Variants in TTC9 observed in about 807,000 individuals in gnomAD.
TTC9 encodes tetratricopeptide repeat domain 9.
Under a neutral mutation model 22.9 loss-of-function variants are expected in TTC9, and 13 were observed. The ratio of observed to expected loss-of-function variants is 0.57; its 90% CI spans 0.37 to 0.90. The LOEUF (loss-of-function observed/expected upper bound fraction) is 0.90, where lower values mean the gene tolerates loss of function less well. TTC9 is among the 40% of genes least tolerant of loss of function. TTC9 has a pLI of 0.01. For synonymous variants in TTC9, 148 were observed against 133.2 expected (o/e 1.11, Z -0.77); for missense variants, 280 against 291.8 (o/e 0.96, Z 0.29).
chr14:70,669,712 T>C (rs1886265816), intron 2 of TTC9, among the ~76,000 whole-genome samples: 1 of 152,204 alleles, frequency 6.6e-6, no homozygotes, highest in Non-Finnish European at 1.5e-5. Context: ...TTATTTTCCG[T>C]ACATAAATCG....
At position 70,671,180 on chromosome 14, in the gene TTC9, C is replaced by T. The variant is rs370437849; in HGVS notation, c.*25C>T. 1.3e-5 allele frequency: 21 copies of T among 1,605,004 alleles called. No individual in the cohort carries two copies. In the African/African-American group the frequency reaches 1.7e-4, roughly 13 times the overall value. On this transcript the variant is annotated 3_prime_UTR_variant, in exon 3 of 3. Transcript: ENST00000256367. ...ACCAGGAAGCAGCTCCAGAGCTGCG[C>T]CCACGCCTGACCGGGGACTTCCAGG...
intron 1 of TTC9, among the ~76,000 whole-genome samples, chr14:70,645,912 G>A (rs944129850): frequency 3.9e-5 from 6 of 152,194 alleles, no homozygotes; most frequent in African/African-American, 9.7e-5. Flanking sequence ...TAAGGGCATC[G>A]CTGCTCCAAA....
chr14:70,668,101 C>T (rs1566702382), intron 2 of TTC9, among the ~76,000 whole-genome samples: 1 of 152,152 alleles, frequency 6.6e-6, no homozygotes, highest in Non-Finnish European at 1.5e-5. Flanking sequence ...AAGACACTGC[C>T]GCTACCCATG....
rs564318561 is a variant in TTC9, at chr14:70,674,747, C to T, written c.*3592C>T. On this transcript the variant is annotated 3_prime_UTR_variant, in exon 3 of 3. Transcript: ENST00000256367. ...TCTGTTCCTTCACTTAATAATATCA[C>T]GAACATTTTCGGCATATCAAACTTT... 6.6e-6 allele frequency: 1 copy of T among 152,298 alleles called. No individual in the cohort carries two copies. The highest frequency in any genetic ancestry group is 1.5e-5 in the Non-Finnish European group (1 of 68,024). The allele number at this position is 152,298 out of a possible 1,614,324, so 9.4% of individuals were successfully genotyped here. A position where few individuals can be genotyped will look rare whatever the true frequency, so the allele number is the denominator to read the frequency against.
intron 1 of TTC9, among the ~76,000 whole-genome samples, chr14:70,645,066 C>T (rs1394000163): frequency 1.3e-5 from 2 of 151,934 alleles, no homozygotes; most frequent in African/African-American, 2.4e-5. Flanking sequence ...GAGCCGAGAT[C>T]GTGCCACTGT....
rs527393309 is a variant in TTC9, at chr14:70,648,328, A to G, written c.406+5793A>G. Among the ~76,000 whole-genome samples, 58 of 152,354 alleles carry G rather than the reference A, an allele frequency of 3.8e-4. No individual in the cohort carries two copies. In the South Asian group the frequency reaches 0.012, roughly 30 times the overall value. The stretch of plus-strand genomic sequence containing the variant: ...GAAACTTGCAGAATGCTTTCAAGGA[A>G]GGTACTGGGAAGAACATTACAAATT... On this transcript the variant is annotated intron_variant, in intron 1 of 2. Coordinates refer to ENST00000256367, the MANE Select transcript of TTC9 (RefSeq NM_015351.2).
chr14:70,645,548 G>A lies in TTC9; in HGVS notation c.406+3013G>A, dbSNP rs182323616. Among the ~76,000 whole-genome samples the A allele has an allele frequency of 3.5e-3, 535 of 152,292 alleles. 5 individuals carry two copies. Among genetic ancestry groups the A allele is most frequent in the African/African-American group, 0.012 (510 of 41,544 alleles). The stretch of plus-strand genomic sequence containing the variant: ...ATAGCAACAGAAAAGTTTTACATGT[G>A]TATTTATACTTCTCATTGGCTAGAA... On this transcript the variant is annotated intron_variant, in intron 1 of 2. Transcript: ENST00000256367.
At chr14:70,667,905 G>C (rs1247379079) in intron 2 of TTC9, among the ~76,000 whole-genome samples, 159 bp downstream of exon 2, 1 of 152,144 alleles carries the variant, frequency 6.6e-6, no homozygotes, top group Admixed American at 6.5e-5. Flanking sequence ...GGAGCACACA[G>C]CCCATGCATT....
chr14:70,674,266 T>A lies in TTC9; in HGVS notation c.*3111T>A, dbSNP rs1187977827. ...GCGATGGACTCTTTGGGGGAAAAAC[T>A]AACGCTTTTTAATTATTGTGAAAGC... On this transcript the variant is annotated 3_prime_UTR_variant, in exon 3 of 3. Coordinates refer to ENST00000256367, the MANE Select transcript of TTC9 (RefSeq NM_015351.2). The A allele has an allele frequency of 6.6e-6, 1 of 152,178 alleles. No homozygotes were observed. Among genetic ancestry groups the A allele is most frequent in the Non-Finnish European group, 1.5e-5 (1 of 68,038 alleles). The allele number at this position is 152,178 out of a possible 1,614,324, so 9.4% of individuals were successfully genotyped here.
intron 1 of TTC9, 35 bp downstream of exon 1, chr14:70,642,570 C>G (rs909389278): frequency 4.7e-5 from 71 of 1,512,958 alleles, no homozygotes; most frequent in South Asian, 6.1e-5. Flanking sequence ...CCGCGGTCCC[C>G]GTTCTTCGGC....
intron 1 of TTC9, among the ~76,000 whole-genome samples, chr14:70,664,836 G>A (rs1022590635): frequency 6.6e-6 from 1 of 151,926 alleles, no homozygotes; most frequent in Admixed American, 6.6e-5. Context: ...TGTGGTGTCA[G>A]CTGAGGCTCC....
chr14:70,645,435 C>A (rs1256650079), intron 1 of TTC9, among the ~76,000 whole-genome samples: 1 of 152,172 alleles, frequency 6.6e-6, no homozygotes, highest in Non-Finnish European at 1.5e-5. Flanking sequence ...CCTGTGTATA[C>A]AATCAGGTAT....
Position 70,642,552 on chromosome 14 carries a change from C to T in TTC9, c.406+17C>T, listed in dbSNP as rs1174725140. The T allele has an allele frequency of 3.3e-6, 5 of 1,527,448 alleles. No homozygotes were observed. Among genetic ancestry groups the T allele is most frequent in the Admixed American group, 4.1e-5 (2 of 48,280 alleles). 94.6% of individuals were successfully genotyped at this position (1,527,448 alleles called of 1,614,324 possible). On this transcript the variant is annotated intron_variant, in intron 1 of 2. Transcript: ENST00000256367. Reference sequence around the variant, plus strand: ...GCCTGGCAGGTGAGCCGCGCCGCGCCCCCCGCGCCGCGGTCCCCGTTCTTC... The same window carrying T: ...GCCTGGCAGGTGAGCCGCGCCGCGCTCCCCGCGCCGCGGTCCCCGTTCTTC...
chr14:70,654,484 A>C (rs1230040195), intron 1 of TTC9, among the ~76,000 whole-genome samples: 1 of 149,354 alleles, frequency 6.7e-6, no homozygotes, highest in Non-Finnish European at 1.5e-5. Context: ...CCAGCTACTC[A>C]GGAGGCTGAG....
intron 1 of TTC9, among the ~76,000 whole-genome samples, chr14:70,648,494 G>T (rs1885934171): frequency 6.6e-6 from 1 of 152,206 alleles, no homozygotes; most frequent in Non-Finnish European, 1.5e-5. Context: ...ACATGGGAGT[G>T]CCCCCTCCAA....
At chr14:70,668,783 G>A (rs971454156) in intron 2 of TTC9, among the ~76,000 whole-genome samples, 2 of 150,882 alleles carry the variant, frequency 1.3e-5, no homozygotes, top group South Asian at 2.1e-4. Context: ...CCTGGAAGGC[G>A]GAGGCTACAG....
At chr14:70,661,642 G>A (rs1189951561) in intron 1 of TTC9, among the ~76,000 whole-genome samples, 1 of 152,196 alleles carries the variant, frequency 6.6e-6, no homozygotes, top group Non-Finnish European at 1.5e-5. Context: ...AACAAAACAG[G>A]TGCCAGAGTG....
At chr14:70,654,777 G>A (rs1360003022) in intron 1 of TTC9, among the ~76,000 whole-genome samples, 1 of 152,106 alleles carries the variant, frequency 6.6e-6, no homozygotes, top group Non-Finnish European at 1.5e-5. Flanking sequence ...AGAGACTTCA[G>A]TGCAGCCACA....
At chr14:70,662,432 A>C (rs796214574) in intron 1 of TTC9, among the ~76,000 whole-genome samples, 1 of 144,664 alleles carries the variant, frequency 6.9e-6, no homozygotes, top group African/African-American at 2.5e-5. Flanking sequence ...AAAAAAAAAA[A>C]ATCCACACAG....
Sources: gnomAD v4.1 joint callset for allele counts (sites outside exome capture counted in the v4.1 genomes callset) on GRCh38, gnomAD v4.1.1 for gene constraint, MANE v1.5 for transcripts, NCBI Gene and HGNC (gene_info 2026-07-23, HGNC 2026-07-21) for gene names.